CNBD1: variants seen among roughly 807,000 people sequenced by gnomAD.
The protein encoded by CNBD1 is cyclic nucleotide binding domain containing 1.
In CNBD1, 71 loss-of-function variants were observed where a neutral mutation model predicts 54.4. The observed-to-expected ratio is 1.30, with a 90% CI of 1.08 to 1.59. CNBD1 has a LOEUF of 1.59. Among genes scored for constraint, CNBD1 ranks in the 40% most tolerant of loss-of-function variants. The pLI is 0.00. For missense variants in CNBD1, 659 were observed against 518.0 expected (o/e 1.27, Z -2.64); for synonymous variants, 182 against 170.7 (o/e 1.07, Z -0.51).
intron 4 of CNBD1, among the ~76,000 whole-genome samples, chr8:87,054,980 C>T (rs1334057576): frequency 6.6e-6 from 1 of 152,146 alleles, no homozygotes; most frequent in Non-Finnish European, 1.5e-5. Flanking sequence ...GAGAACAAAA[C>T]TGAGAACGAG....
intron 6 of CNBD1, among the ~76,000 whole-genome samples, chr8:87,260,313 G>T (rs62528084): frequency 0.045 from 6,846 of 152,238 alleles, 203 homozygotes; most frequent in Non-Finnish European, 0.063. Flanking sequence ...ACAAGATGGA[G>T]ACCTCATCAG....
chr8:87,015,454 G>T (rs938922944), intron 4 of CNBD1, among the ~76,000 whole-genome samples: 3 of 152,014 alleles, frequency 2.0e-5, no homozygotes, highest in Non-Finnish European at 4.4e-5. Context: ...CAAAGTGCTG[G>T]AATTACAGGC....
intron 4 of CNBD1, among the ~76,000 whole-genome samples, chr8:87,008,246 G>A (rs961896662): frequency 3.3e-5 from 5 of 152,108 alleles, no homozygotes; most frequent in African/African-American, 9.7e-5. Context: ...TGTTTTTAAC[G>A]TAATCTTTAT....
At chr8:86,956,862 C>A (rs59425641) in intron 4 of CNBD1, among the ~76,000 whole-genome samples, 38 of 152,308 alleles carry the variant, frequency 2.5e-4, no homozygotes, top group Non-Finnish European at 5.9e-5. Context: ...ACTTCCAACA[C>A]TCTGTTGAAC....
intron 5 of CNBD1, among the ~76,000 whole-genome samples, chr8:87,227,240 A>T (rs1362571935): frequency 6.6e-6 from 1 of 150,466 alleles, no homozygotes; most frequent in African/African-American, 2.4e-5. Context: ...GTCCATTTAC[A>T]TTTAAAGTTA....
At chr8:86,913,072 A>T (rs145681714) in intron 3 of CNBD1, among the ~76,000 whole-genome samples, 24 of 152,354 alleles carry the variant, frequency 1.6e-4, no homozygotes, top group African/African-American at 5.8e-4. Flanking sequence ...AAGAGTAAAG[A>T]CATTAAACAC....
intron 8 of CNBD1, among the ~76,000 whole-genome samples, chr8:87,312,786 A>G (rs1204540686): frequency 6.6e-6 from 1 of 151,942 alleles, no homozygotes; most frequent in East Asian, 1.9e-4. Flanking sequence ...ATTTTTTTCT[A>G]AAAACAAGAG....
chr8:86,978,699 C>T (rs904125662), intron 4 of CNBD1, among the ~76,000 whole-genome samples: 1 of 151,688 alleles, frequency 6.6e-6, no homozygotes, highest in Non-Finnish European at 1.5e-5. Flanking sequence ...TGCTCCAACA[C>T]GCCTGGCTAA....
chr8:87,284,168 C>A (rs1808649026), intron 6 of CNBD1, among the ~76,000 whole-genome samples: 1 of 152,000 alleles, frequency 6.6e-6, no homozygotes, highest in Admixed American at 6.6e-5. Flanking sequence ...TCATTATAAC[C>A]TAATAACTCA....
intron 4 of CNBD1, among the ~76,000 whole-genome samples, chr8:86,977,474 A>G (rs1040286283): frequency 1.3e-5 from 2 of 152,098 alleles, no homozygotes; most frequent in Non-Finnish European, 2.9e-5. Context: ...GCAACTGACA[A>G]ACATTTAACT....
At chr8:87,203,457 G>T (rs1813906051) in intron 4 of CNBD1, among the ~76,000 whole-genome samples, 1 of 152,110 alleles carries the variant, frequency 6.6e-6, no homozygotes, top group South Asian at 2.1e-4. Flanking sequence ...CTTTATCTCT[G>T]TGTCAGTTCA....
downstream of CNBD1, among the ~76,000 whole-genome samples, chr8:87,386,835 A>T (rs1811199960): frequency 2.0e-5 from 3 of 152,222 alleles, no homozygotes; most frequent in Admixed American, 6.5e-5. Flanking sequence ...ATGAAGGAAA[A>T]AATATTCAGG....
At chr8:87,020,346 ATCAG>A in intron 4 of CNBD1, among the ~76,000 whole-genome samples, 1 of 152,198 alleles carries the variant, frequency 6.6e-6, no homozygotes, top group East Asian at 1.9e-4. Context: ...ATTACCACCA[ATCAG>A]ACTACATGGG....
intron 8 of CNBD1, among the ~76,000 whole-genome samples, chr8:87,347,717 C>T (rs1262297260): frequency 1.3e-5 from 2 of 152,214 alleles, no homozygotes; most frequent in East Asian, 3.9e-4. Flanking sequence ...TCTGGATAAT[C>T]TCTTCTTCCT....
chr8:87,398,746 A>G (rs1205072589), intron 2 of CNBD1, among the ~76,000 whole-genome samples: 1 of 152,024 alleles, frequency 6.6e-6, no homozygotes, highest in Non-Finnish European at 1.5e-5. Context: ...TCCCATGCTC[A>G]GTACATTAGG....
At chr8:86,961,948 A>G (rs1807939437) in intron 4 of CNBD1, among the ~76,000 whole-genome samples, 1 of 147,730 alleles carries the variant, frequency 6.8e-6, no homozygotes, top group African/African-American at 2.6e-5. Flanking sequence ...TCCTATTTGC[A>G]TTGCTAACCC....
intron 4 of CNBD1, among the ~76,000 whole-genome samples, chr8:87,065,127 G>A (rs13272953): frequency 6.6e-6 from 1 of 151,716 alleles, no homozygotes; most frequent in African/African-American, 2.4e-5. Context: ...TCTTCCATAT[G>A]TTTCTTATAG....
At chr8:87,320,701 GTTTA>G (rs1041693743) in intron 8 of CNBD1, among the ~76,000 whole-genome samples, 4 of 151,836 alleles carry the variant, frequency 2.6e-5, no homozygotes, top group Non-Finnish European at 2.9e-5. Flanking sequence ...AAACCTATGT[GTTTA>G]TTTATTTTTT....
rs146876090 is a variant in CNBD1 at position 87,034,353 on chromosome 8, A to G, written c.431+94599A>G. Reference sequence around the variant, plus strand: ...ACTTTTTACTGTGATAAAGCAGCCTACTGGAGAGAACTGCTCATGAGGCAA... The same window carrying G: ...ACTTTTTACTGTGATAAAGCAGCCTGCTGGAGAGAACTGCTCATGAGGCAA... On this transcript the variant is annotated intron_variant, in intron 4 of 10. Transcript: ENST00000518476. Among the ~76,000 whole-genome samples, 12 of 152,354 alleles carry G rather than the reference A, an allele frequency of 7.9e-5. No homozygotes were observed. In the East Asian group the frequency reaches 2.3e-3, roughly 29 times the overall value.
Sources: gnomAD v4.1 joint callset for allele counts (sites outside exome capture counted in the v4.1 genomes callset) on GRCh38, gnomAD v4.1.1 for gene constraint, MANE v1.5 for transcripts, NCBI Gene and HGNC (gene_info 2026-07-23, HGNC 2026-07-21) for gene names.